BEND4: variants seen among roughly 807,000 people sequenced by gnomAD.
BEND4 encodes the protein BEN domain containing 4.
BEND4 carries 27 observed loss-of-function variants against 54.7 expected under a neutral mutation model. That is an observed-to-expected ratio of 0.49 (90% CI 0.36 to 0.68). The LOEUF is 0.68. BEND4 is among the 30% of genes least tolerant of loss of function. The pLI, the probability that BEND4 is intolerant of heterozygous loss-of-function variation, is 0.00. For missense variants in BEND4, 702 were observed against 697.2 expected, an observed-to-expected ratio of 1.01 and a Z score of -0.08; for synonymous variants, 327 against 299.5, an observed-to-expected ratio of 1.09 and a Z score of -0.95.
Position 42,135,651 on chromosome 4 carries a change from T to G in BEND4, c.1054+7777A>C, listed in dbSNP as rs184805922. On this transcript the variant is annotated intron_variant, in intron 3 of 5. Transcript: ENST00000502486. ...TTAGCCAGGCGTGGTGAGGGGCGCC[T>G]GTACCCCCAGCTACTTGGGAGGCTG... Among the ~76,000 whole-genome samples, 10 of 152,112 alleles carry G rather than the reference T, an allele frequency of 6.6e-5. No individual in the cohort carries two copies. The East Asian group carries it at 1.7e-3, about 27-fold the overall frequency.
At position 42,135,491 on chromosome 4, in the gene BEND4, G is replaced by C. The variant is rs140914430; in HGVS notation, c.1054+7937C>G. ...ACTTTCAACATTCCTACAGTATTAT[G>C]GCTGGGCGCAGTGGCTCACACCTGT... On this transcript the variant is annotated intron_variant, in intron 3 of 5. Transcript: ENST00000502486. Among the ~76,000 whole-genome samples, 46 of 152,210 alleles carry C rather than the reference G, an allele frequency of 3.0e-4. No homozygotes were observed. In the East Asian group the frequency reaches 8.1e-3, roughly 27 times the overall value.
At chr4:42,144,391 C>A (rs1339662427) in intron 2 of BEND4, among the ~76,000 whole-genome samples, 4 of 152,192 alleles carry the variant, frequency 2.6e-5, no homozygotes, top group Non-Finnish European at 5.9e-5. Context: ...TTAAAGCAAT[C>A]ATTACTTCTA....
chr4:42,136,422 C>G (rs1720699968), intron 3 of BEND4, among the ~76,000 whole-genome samples: 1 of 152,202 alleles, frequency 6.6e-6, no homozygotes, highest in Non-Finnish European at 1.5e-5. Flanking sequence ...GGAGTTGGTA[C>G]AGTGGGTCCT....
At chr4:42,132,692 G>A (rs778846934) in intron 3 of BEND4, among the ~76,000 whole-genome samples, 9 of 152,022 alleles carry the variant, frequency 5.9e-5, no homozygotes, top group Non-Finnish European at 8.8e-5. Flanking sequence ...TGATCCACCC[G>A]CCTCAGCCTC....
chr4:42,115,035 G>A lies in BEND4; in HGVS notation c.*2483C>T, dbSNP rs986106990. 6.6e-6 allele frequency: 1 copy of A among 152,300 alleles called. No individual in the cohort carries two copies. The highest frequency in any genetic ancestry group is 1.5e-5 in the Non-Finnish European group (1 of 68,108). 9.4% of individuals were successfully genotyped at this position (152,300 alleles called of 1,614,324 possible). A position where few individuals can be genotyped will look rare whatever the true frequency, so the allele number is the denominator to read the frequency against. ...AAAAGTCGTAGGAACATTTCACTCA[G>A]GCAAAAGCTGTAGGTCCGAGACCCA... On this transcript the variant is annotated 3_prime_UTR_variant, in exon 6 of 6. Transcript: ENST00000502486.
At chr4:42,151,192 G>A (rs1222868212) in intron 2 of BEND4, 1 of 153,530 alleles carries the variant, frequency 6.5e-6, no homozygotes, top group African/African-American at 2.4e-5. Flanking sequence ...GAAAGCACTA[G>A]AAGGCAAAGG....
chr4:42,134,091 G>A (rs1364067749), intron 3 of BEND4, among the ~76,000 whole-genome samples: 2 of 152,298 alleles, frequency 1.3e-5, no homozygotes, highest in African/African-American at 2.4e-5. Context: ...AATGGTCTTC[G>A]TAAATAGTTT....
chr4:42,126,586 A>C (rs1003277628), intron 3 of BEND4, among the ~76,000 whole-genome samples: 1 of 152,236 alleles, frequency 6.6e-6, no homozygotes, highest in Non-Finnish European at 1.5e-5. Context: ...TTGAATAATC[A>C]CAATAAAAGT....
intron 4 of BEND4, among the ~76,000 whole-genome samples, chr4:42,121,251 C>G (rs1479051364): frequency 6.6e-6 from 1 of 152,156 alleles, no homozygotes; most frequent in Non-Finnish European, 1.5e-5. Context: ...TCAAAAAGTG[C>G]TCTGTTGAGT....
rs1225096757 is a variant in BEND4, at chr4:42,143,877, T to C, written c.605A>G (p.Lys202Arg). The C allele has an allele frequency of 6.5e-7, 1 of 1,546,394 alleles. No individual in the cohort carries two copies. Among genetic ancestry groups the C allele is most frequent in the African/African-American group, 1.4e-5 (1 of 72,744 alleles). Reference protein sequence around the residue: ...NHSQSMISCVKQEGSSYNERQ... With the variant: ...NHSQSMISCVRQEGSSYNERQ... ...TTCGTTGTAACTTGAGCCTTCCTGC[T>C]TTACGCAAGAAATCATGGACTGAGA... is the stretch of plus-strand genomic sequence containing the variant. The change falls in exon 3 of 6, where the codon AAG becomes AGG. Residue 202 changes from lysine to arginine, a missense_variant. Lys to Arg is a conservative substitution (Grantham distance 26). Transcript: ENST00000502486.
In BEND4 at chr4:42,125,571, C is replaced by G. The variant is rs781733287; in HGVS notation, c.1146+12G>C. 2.5e-6 allele frequency: 4 copies of G among 1,603,392 alleles called. No homozygotes were observed. In the East Asian group the frequency reaches 6.7e-5, roughly 27 times the overall value. On this transcript the variant is annotated intron_variant, in intron 4 of 5. Transcript: ENST00000502486. ...TCCAAATGGAACATTCACCTTTTTA[C>G]CAGAGACCTACCTCTGTCGGCTGGT...
At chr4:42,138,632 C>G (rs1425636988) in intron 3 of BEND4, among the ~76,000 whole-genome samples, 2 of 152,210 alleles carry the variant, frequency 1.3e-5, no homozygotes, top group Admixed American at 6.5e-5. Flanking sequence ...ATGATAGATA[C>G]AGCTTCACTA....
At chr4:42,151,438 G>C (rs1721277167) in intron 2 of BEND4, 2 of 372,294 alleles carry the variant, frequency 5.4e-6, no homozygotes, top group East Asian at 8.6e-5. Flanking sequence ...CCAAGCCGCG[G>C]AGCCACCTGT....
Position 42,143,519 on chromosome 4 carries a change from G to T in BEND4, c.963C>A (p.Gly321=). 2.6e-6 allele frequency: 4 copies of T among 1,553,262 alleles called. No individual in the cohort carries two copies. Among genetic ancestry groups the T allele is most frequent in the Non-Finnish European group, 3.5e-6 (4 of 1,147,664 alleles). The change falls in exon 3 of 6, where the codon GGC becomes GGA. Residue 321 remains glycine, a synonymous_variant. Coordinates refer to ENST00000502486, the MANE Select transcript of BEND4 (RefSeq NM_207406.4). ...PEEEEEEDEE[G]YCPRCQELEQ... ...CCAGCTCTTGGCATCGAGGACAATA[G>T]CCTTCCTCGTCCTCCTCCTCCTCCT...
At chr4:42,136,497 A>G (rs1720703775) in intron 3 of BEND4, among the ~76,000 whole-genome samples, 1 of 152,190 alleles carries the variant, frequency 6.6e-6, no homozygotes, top group Admixed American at 6.5e-5. Context: ...GTAACCCCCA[A>G]ATCAGAACTT....
chr4:42,122,438 G>C (rs1234839470), intron 4 of BEND4, among the ~76,000 whole-genome samples: 2 of 152,196 alleles, frequency 1.3e-5, no homozygotes, highest in African/African-American at 4.8e-5. Flanking sequence ...CAATGCAGGT[G>C]CAATAAACAT....
chr4:42,146,881 A>C (rs778176477), intron 2 of BEND4, among the ~76,000 whole-genome samples: 9 of 152,216 alleles, frequency 5.9e-5, no homozygotes, highest in African/African-American at 7.2e-5. Context: ...CACACTCAGT[A>C]GTTTTAATCA....
chr4:42,136,928 G>T (rs990491785), intron 3 of BEND4, among the ~76,000 whole-genome samples: 1 of 152,222 alleles, frequency 6.6e-6, no homozygotes, highest in African/African-American at 2.4e-5. Flanking sequence ...TGAAACTGTT[G>T]TGAGCAGAGG....
Position 42,152,082 on chromosome 4 carries a change from C to A in BEND4, c.62G>T (p.Arg21Leu). The change falls in exon 2 of 6, where the codon CGC (arginine) becomes CTC (leucine). Residue 21 changes from arginine to leucine, a missense_variant. Arg to Leu is a moderately radical substitution (Grantham distance 102, BLOSUM62 -2). Transcript: ENST00000502486. ...CGTCTTGAGGACGCTGTAGGGGCTG[C>A]GCTGCTTGTAGATTTTGGGGACGCT... The part of the protein sequence containing the change: ...GPSVPKIYKQ[R>L]SPYSVLKTFP... 1 of 1,251,310 alleles carries A rather than the reference C, an allele frequency of 8.0e-7. No individual in the cohort carries two copies. Among genetic ancestry groups the A allele is most frequent in the Non-Finnish European group, 1.0e-6 (1 of 989,796 alleles). The allele number at this position is 1,251,310 out of a possible 1,614,324, so 77.5% of individuals were successfully genotyped here.
Sources: allele counts gnomAD v4.1 joint callset (sites outside exome capture counted in the v4.1 genomes callset), GRCh38; gene constraint gnomAD v4.1.1; transcripts MANE v1.5; gene names NCBI Gene and HGNC (gene_info 2026-07-23, HGNC 2026-07-21).